Variants in PRKCA observed in about 807,000 individuals in gnomAD.
The protein encoded by PRKCA is protein kinase C alpha type.
Under a neutral mutation model 87.0 loss-of-function variants are expected in PRKCA, and 27 were observed. The observed-to-expected ratio is 0.31, with a 90% CI of 0.23 to 0.43. PRKCA has a LOEUF of 0.43. Ranked by LOEUF, PRKCA falls within the 20% of genes least tolerant of loss-of-function variation. The pLI is 1.00. For missense variants in PRKCA, 518 were observed against 852.3 expected, an observed-to-expected ratio of 0.61 and a Z score of 4.88; for synonymous variants, 329 against 311.1, an observed-to-expected ratio of 1.06 and a Z score of -0.61.
At chr17:66,644,203 A>G (rs1190284060) in intron 4 of PRKCA, among the ~76,000 whole-genome samples, 1 of 152,228 alleles carries the variant, frequency 6.6e-6, no homozygotes, top group Non-Finnish European at 1.5e-5. Flanking sequence ...TGAATTAGCT[A>G]ATTGTTCTTT....
intron 14 of PRKCA, among the ~76,000 whole-genome samples, chr17:66,785,959 G>T (rs1893275535): frequency 6.6e-6 from 1 of 152,186 alleles, no homozygotes; most frequent in Non-Finnish European, 1.5e-5. Context: ...CTCCCCAGTA[G>T]CTGGGACTAC....
intron 2 of PRKCA, among the ~76,000 whole-genome samples, chr17:66,385,155 C>CA (rs1909988421): frequency 1.3e-5 from 2 of 152,208 alleles, no homozygotes; most frequent in Admixed American, 6.5e-5. Flanking sequence ...CGGTCCCTGG[C>CA]AGGCACTGTG....
At chr17:66,571,968 T>G (rs1969090948) in intron 3 of PRKCA, among the ~76,000 whole-genome samples, 1 of 152,166 alleles carries the variant, frequency 6.6e-6, no homozygotes, top group East Asian at 1.9e-4. Flanking sequence ...AGTGTGCCAC[T>G]CCGTATAATT....
chr17:66,575,470 C>T (rs1969210069), intron 3 of PRKCA, among the ~76,000 whole-genome samples: 1 of 152,172 alleles, frequency 6.6e-6, no homozygotes, highest in African/African-American at 2.4e-5. Flanking sequence ...ATCCCAGCTA[C>T]TCGGGAGGCT....
At chr17:66,681,237 G>A (rs1241224386) in intron 5 of PRKCA, among the ~76,000 whole-genome samples, 1 of 151,442 alleles carries the variant, frequency 6.6e-6, no homozygotes, top group Non-Finnish European at 1.5e-5. Context: ...TCAAAAAACA[G>A]AAGGAAAGCA....
At chr17:66,524,678 A>C (rs530201682) in intron 3 of PRKCA, among the ~76,000 whole-genome samples, 1 of 152,298 alleles carries the variant, frequency 6.6e-6, no homozygotes, top group Non-Finnish European at 1.5e-5. Flanking sequence ...CTGGGTATCC[A>C]GCAGTGAACT....
intron 5 of PRKCA, among the ~76,000 whole-genome samples, chr17:66,653,411 G>T (rs8068431): frequency 0.57 from 86,777 of 151,156 alleles, 24,852 homozygotes; most frequent in Admixed American, 0.6. Flanking sequence ...CTGGGCAACA[G>T]GGCAAGACCT....
chr17:66,705,220 T>G (rs201160341), intron 8 of PRKCA, among the ~76,000 whole-genome samples: 2 of 152,238 alleles, frequency 1.3e-5, no homozygotes, highest in East Asian at 3.8e-4. Flanking sequence ...ATTTTAAGGC[T>G]TATCCTTCAG....
chr17:66,314,625 G>T (rs946988348), intron 2 of PRKCA, among the ~76,000 whole-genome samples: 1 of 152,172 alleles, frequency 6.6e-6, no homozygotes, highest in Admixed American at 6.5e-5. Context: ...CCCGTCCACG[G>T]TGACTGCAGT....
intron 2 of PRKCA, among the ~76,000 whole-genome samples, chr17:66,384,707 C>T (rs9889816): frequency 0.59 from 89,911 of 151,832 alleles, 27,295 homozygotes; most frequent in Non-Finnish European, 0.67. Context: ...CGGCTCACTG[C>T]AAGCTCCACC....
At chr17:66,682,940 T>C (rs1425731661) in intron 5 of PRKCA, among the ~76,000 whole-genome samples, 3 of 152,202 alleles carry the variant, frequency 2.0e-5, no homozygotes, top group Non-Finnish European at 4.4e-5. Context: ...TGGGTGTGAC[T>C]TTTGGTTGCA....
chr17:66,362,739 G>C (rs768946878), intron 2 of PRKCA, among the ~76,000 whole-genome samples: 1 of 151,580 alleles, frequency 6.6e-6, no homozygotes, highest in African/African-American at 2.4e-5. Context: ...ATATAGCCCA[G>C]GCTGGAGTGC....
chr17:66,743,564 C>T (rs996845229), intron 13 of PRKCA, among the ~76,000 whole-genome samples: 5 of 152,162 alleles, frequency 3.3e-5, no homozygotes, highest in Non-Finnish European at 7.3e-5. Context: ...ATAACACTTA[C>T]AGAGGATTTT....
At chr17:66,370,404 T>C (rs1405385250) in intron 2 of PRKCA, among the ~76,000 whole-genome samples, 1 of 151,628 alleles carries the variant, frequency 6.6e-6, no homozygotes, top group Admixed American at 6.6e-5. Flanking sequence ...GCTATTTTGA[T>C]AAGCTTTAAT....
At chr17:66,496,054 A>C (rs1916462480) in intron 2 of PRKCA, 147 bp from the exon 3 acceptor site, 1 of 658,476 alleles carries the variant, frequency 1.5e-6, no homozygotes. Context: ...CTGATTCTAG[A>C]ATGAAATGCC....
intron 2 of PRKCA, among the ~76,000 whole-genome samples, chr17:66,400,279 G>C (rs1046335760): frequency 6.6e-6 from 1 of 152,198 alleles, no homozygotes; most frequent in African/African-American, 2.4e-5. Context: ...AGCCACCTGA[G>C]TAGCTGGGAC....
intron 3 of PRKCA, among the ~76,000 whole-genome samples, chr17:66,623,836 G>A (rs907104146): frequency 6.6e-6 from 1 of 152,252 alleles, no homozygotes; most frequent in South Asian, 2.1e-4. Context: ...GACAAGTGAG[G>A]CATCCTCCTG....
chr17:66,426,625 C>T (rs909176840), intron 2 of PRKCA, among the ~76,000 whole-genome samples: 3 of 152,170 alleles, frequency 2.0e-5, no homozygotes, highest in East Asian at 3.9e-4. Flanking sequence ...CAAGAACCCC[C>T]GTTTTGTTCA....
chr17:66,440,360 T>C (rs1346106793), intron 2 of PRKCA, among the ~76,000 whole-genome samples: 3 of 152,244 alleles, frequency 2.0e-5, no homozygotes, highest in African/African-American at 7.2e-5. Flanking sequence ...CATTTGTTTC[T>C]TCTCTCTGTA....
Sources: allele counts gnomAD v4.1 joint callset (sites outside exome capture counted in the v4.1 genomes callset), GRCh38; gene constraint gnomAD v4.1.1; transcripts MANE v1.5; gene names NCBI Gene and HGNC (gene_info 2026-07-23, HGNC 2026-07-21).